Variants in GNAQ observed in about 807,000 individuals in gnomAD.
The protein encoded by GNAQ is G protein subunit alpha q.
Under a neutral mutation model 43.9 loss-of-function variants are expected in GNAQ, and 8 were observed. The observed-to-expected ratio is 0.18, with a 90% CI of 0.11 to 0.33. The LOEUF (loss-of-function observed/expected upper bound fraction) is 0.33, where lower values mean the gene tolerates loss of function less well. GNAQ is among the 10% of genes least tolerant of loss of function. The pLI is 1.00. For missense variants in GNAQ, 158 were observed against 450.8 expected, an observed-to-expected ratio of 0.35 and a Z score of 5.88; for synonymous variants, 155 against 170.7, an observed-to-expected ratio of 0.91 and a Z score of 0.71.
chr9:77,905,055 GAAGTT>G (rs1301793458), intron 2 of GNAQ, among the ~76,000 whole-genome samples: 1 of 152,128 alleles, frequency 6.6e-6, no homozygotes, highest in African/African-American at 2.4e-5. Flanking sequence ...TCTGTGTTCA[GAAGTT>G]AAGAATGGCC....
At chr9:77,868,945 C>A (rs1239277381) in intron 2 of GNAQ, among the ~76,000 whole-genome samples, 1 of 152,184 alleles carries the variant, frequency 6.6e-6, no homozygotes, top group Non-Finnish European at 1.5e-5. Context: ...CGAGATCATG[C>A]CACTGCACTT....
chr9:77,835,437 TA>T (rs919918934), intron 2 of GNAQ, among the ~76,000 whole-genome samples: 1 of 152,160 alleles, frequency 6.6e-6, no homozygotes, highest in African/African-American at 2.4e-5. Flanking sequence ...GGAAATCTAA[TA>T]CTTTAAATCT....
chr9:78,017,150 A>G (rs1298684948), intron 1 of GNAQ, among the ~76,000 whole-genome samples: 6 of 152,216 alleles, frequency 3.9e-5, no homozygotes. Flanking sequence ...TACTGTGCTG[A>G]TATTTAACAA....
intron 1 of GNAQ, among the ~76,000 whole-genome samples, chr9:77,955,797 C>T (rs1291674724): frequency 1.3e-5 from 2 of 152,178 alleles, no homozygotes; most frequent in Non-Finnish European, 2.9e-5. Context: ...ACTTCAAGTG[C>T]TCTCTAGTAT....
At chr9:77,926,528 T>C (rs917085464) in intron 1 of GNAQ, among the ~76,000 whole-genome samples, 6 of 152,196 alleles carry the variant, frequency 3.9e-5, no homozygotes, top group Admixed American at 3.3e-4. Flanking sequence ...TAAAGAAATA[T>C]GACTCTGCTT....
chr9:77,754,057 G>T (rs75142388), intron 5 of GNAQ, among the ~76,000 whole-genome samples: 2,699 of 152,224 alleles, frequency 0.018, 86 homozygotes, highest in African/African-American at 0.061. Context: ...GAAGTGTAAA[G>T]AAACCAAATT....
At position 77,739,433 on chromosome 9, in the gene GNAQ, T is replaced by C. The variant is rs575653064; in HGVS notation, c.736-10766A>G. Among the ~76,000 whole-genome samples, 3 of 152,354 alleles carry C rather than the reference T, an allele frequency of 2.0e-5. No homozygotes were observed. The South Asian group carries it at 6.2e-4, about 32-fold the overall frequency. Reference sequence around the variant, plus strand: ...AAATTTGTATGCAGTCTTTATATACTGAAGTCATTAACCATGATTTTAATG... The same window carrying C: ...AAATTTGTATGCAGTCTTTATATACCGAAGTCATTAACCATGATTTTAATG... On this transcript the variant is annotated intron_variant, in intron 5 of 6. Coordinates refer to ENST00000286548, the MANE Select transcript of GNAQ (RefSeq NM_002072.5).
intron 3 of GNAQ, among the ~76,000 whole-genome samples, chr9:77,807,520 G>A (rs1036696577): frequency 2.0e-5 from 3 of 152,158 alleles, no homozygotes; most frequent in Non-Finnish European, 4.4e-5. Flanking sequence ...TTTTATGCCA[G>A]ACATTCTTTG....
intron 2 of GNAQ, among the ~76,000 whole-genome samples, chr9:77,914,978 C>T (rs1023899135): frequency 3.9e-5 from 6 of 152,034 alleles, no homozygotes; most frequent in Admixed American, 3.9e-4. Flanking sequence ...TTCATAGGTG[C>T]TGTAGAATGG....
intron 5 of GNAQ, among the ~76,000 whole-genome samples, chr9:77,760,724 G>A (rs1825987734): frequency 6.6e-6 from 1 of 151,796 alleles, no homozygotes; most frequent in Non-Finnish European, 1.5e-5. Context: ...AAAGTGAGGA[G>A]CGTCTCTGCC....
chr9:77,978,621 C>T (rs894342807), intron 1 of GNAQ, among the ~76,000 whole-genome samples: 3 of 152,118 alleles, frequency 2.0e-5, no homozygotes, highest in African/African-American at 7.2e-5. Flanking sequence ...TAAATATTAC[C>T]TCCCACAAAA....
At chr9:77,804,860 T>C (rs746988850) in intron 3 of GNAQ, among the ~76,000 whole-genome samples, 5 of 151,972 alleles carry the variant, frequency 3.3e-5, no homozygotes, top group Non-Finnish European at 7.4e-5. Context: ...AAAAGAAGGT[T>C]AGAAAAACGA....
intron 2 of GNAQ, among the ~76,000 whole-genome samples, chr9:77,918,159 T>C (rs988700237): frequency 1.3e-5 from 2 of 152,126 alleles, no homozygotes; most frequent in Admixed American, 6.5e-5. Flanking sequence ...ACTGAACACT[T>C]TCCCAGTTCA....
At chr9:77,898,583 T>C (rs1444875699) in intron 2 of GNAQ, among the ~76,000 whole-genome samples, 1 of 151,462 alleles carries the variant, frequency 6.6e-6, no homozygotes, top group Non-Finnish European at 1.5e-5. Flanking sequence ...TCCTTAAATA[T>C]CTGGATTTAA....
At chr9:77,881,346 C>T (rs1176046776) in intron 2 of GNAQ, among the ~76,000 whole-genome samples, 1 of 152,178 alleles carries the variant, frequency 6.6e-6, no homozygotes, top group Non-Finnish European at 1.5e-5. Context: ...GCCAAAAGCT[C>T]ACTGGTGAAT....
chr9:77,908,530 T>C (rs1828749177), intron 2 of GNAQ, among the ~76,000 whole-genome samples: 1 of 152,254 alleles, frequency 6.6e-6, no homozygotes, highest in South Asian at 2.1e-4. Context: ...TAGTAGACAC[T>C]GACTATGTTG....
rs11145569 is a variant in GNAQ, at chr9:77,806,756, A to G, written c.476+8860T>C. Among the ~76,000 whole-genome samples the G allele has an allele frequency of 3.6e-3, 556 of 152,330 alleles. 5 individuals carry two copies. The highest frequency in any genetic ancestry group is 0.013 in the African/African-American group (534 of 41,562). On this transcript the variant is annotated intron_variant, in intron 3 of 6. Transcript: ENST00000286548. ...TCATTCATTCAACAACTTTTACGGA[A>G]AGTCTACAGTAAGCTAGGCACTAGG...
rs74331826 is a variant in GNAQ at position 77,782,830 on chromosome 9, T to C, written c.735+11633A>G. 9.3e-4 allele frequency among the ~76,000 whole-genome samples: 141 copies of C among 152,296 alleles called. 1 individual carries two copies. The East Asian group carries it at 0.022, about 24-fold the overall frequency. On this transcript the variant is annotated intron_variant, in intron 5 of 6. Coordinates refer to ENST00000286548, the MANE Select transcript of GNAQ (RefSeq NM_002072.5). ...GTACCAAAAAGTAATGATGAGGCCA[T>C]GAAAAGACATGGAGGAACTTCAAAT...
intron 1 of GNAQ, among the ~76,000 whole-genome samples, chr9:77,990,297 T>C (rs1823492616): frequency 2.6e-5 from 4 of 152,182 alleles, no homozygotes; most frequent in Admixed American, 2.6e-4. Flanking sequence ...GGCACAATAA[T>C]AGCAACCTTG....
Sources: allele counts gnomAD v4.1 joint callset (sites outside exome capture counted in the v4.1 genomes callset), GRCh38; gene constraint gnomAD v4.1.1; transcripts MANE v1.5; gene names NCBI Gene and HGNC (gene_info 2026-07-23, HGNC 2026-07-21).